Variants in POLR3A observed in about 807,000 individuals in gnomAD.
POLR3A encodes the protein RNA polymerase III subunit A.
In POLR3A, 112 loss-of-function variants were observed where a neutral mutation model predicts 152.8. That is an observed-to-expected ratio of 0.73 (90% CI 0.63 to 0.86). POLR3A has a LOEUF of 0.86. Ranked by LOEUF, POLR3A falls within the 40% of genes least tolerant of loss-of-function variation. The pLI, the probability that POLR3A is intolerant of heterozygous loss-of-function variation, is 0.00. For synonymous variants in POLR3A, 615 were observed against 652.1 expected (o/e 0.94, Z 0.87); for missense variants, 1,385 against 1,743.1 (o/e 0.79, Z 3.66).
At chr10:77,994,105 T>C (rs1023210668) in intron 19 of POLR3A, among the ~76,000 whole-genome samples, 12 of 152,192 alleles carry the variant, frequency 7.9e-5, no homozygotes, top group Middle Eastern at 3.2e-3. Context: ...ACAAGAGTGG[T>C]AAAAGTATTT....
intron 26 of POLR3A, 76 bp downstream of exon 26, chr10:77,983,844 T>C (rs1342286793): frequency 1.1e-6 from 1 of 893,754 alleles, no homozygotes; most frequent in African/African-American, 1.6e-5. Flanking sequence ...CTTGCTTAGC[T>C]CTTGCCCTAG....
chr10:77,993,068 C>A, intron 20 of POLR3A, 129 bp downstream of exon 20: 1 of 809,244 alleles, frequency 1.2e-6, no homozygotes, highest in South Asian at 1.4e-5. Context: ...AAAAAAGATA[C>A]TAATCCAGTG....
At chr10:78,006,609 T>C (rs1847414727) in intron 15 of POLR3A, among the ~76,000 whole-genome samples, 1 of 151,880 alleles carries the variant, frequency 6.6e-6, no homozygotes, top group Middle Eastern at 3.2e-3. Flanking sequence ...TGTAATTAAC[T>C]GAAGTTCCAA....
chr10:77,990,441 G>T (rs1489113682), intron 21 of POLR3A, among the ~76,000 whole-genome samples: 1 of 152,172 alleles, frequency 6.6e-6, no homozygotes. Flanking sequence ...GTAGGCTGGT[G>T]TTAGGGACAG....
intron 6 of POLR3A, 32 bp downstream of exon 6, chr10:78,022,113 A>T (rs1434941859): frequency 1.2e-6 from 2 of 1,614,162 alleles, no homozygotes; most frequent in Admixed American, 3.3e-5. Context: ...TAGATATACT[A>T]TGAAACTTAC....
rs772755662 is a variant in POLR3A, at chr10:78,022,365, A to T, written c.665T>A (p.Val222Glu). Residue 222 changes from valine to glutamate, a missense_variant, in exon 6 of 31, where the codon GTA becomes GAA. Val to Glu is a moderately radical substitution (Grantham distance 121). Coordinates refer to ENST00000372371, the MANE Select transcript of POLR3A (RefSeq NM_007055.4). ...GRAQENLNPL[V>E]VLNLFKRIPA... Reference sequence around the variant, plus strand: ...GATTCGTTTAAATAAATTCAGAACTACTAAGGGATTCAAGTTTTCCTATGG... The same window carrying T: ...GATTCGTTTAAATAAATTCAGAACTTCTAAGGGATTCAAGTTTTCCTATGG... 2.5e-6 allele frequency: 4 copies of T among 1,613,876 alleles called. No homozygotes were observed. The highest frequency in any genetic ancestry group is 3.4e-6 in the Non-Finnish European group (4 of 1,179,908).
rs150105323 is a variant in POLR3A at position 78,009,915 on chromosome 10, A to C, written c.1719T>G (p.Val573=). The change falls in exon 13 of 31, where the codon GTT becomes GTG. Residue 573 remains valine (V), a synonymous_variant. Coordinates refer to ENST00000372371, the MANE Select transcript of POLR3A (RefSeq NM_007055.4). ...KACQIIASIL[V]GKDEKIKVRL... The stretch of plus-strand genomic sequence containing the variant: ...GAACTTTAATTTTCTCATCCTTGCC[A>C]ACCAGTATTGAAGCAATGATTTGGC... 2.5e-5 allele frequency: 40 copies of C among 1,614,072 alleles called. No homozygotes were observed. The highest frequency in any genetic ancestry group is 3.0e-5 in the Non-Finnish European group (35 of 1,180,050).
rs1564612932 is a variant in POLR3A, at chr10:77,981,505, GGATTTCATTGAT to G, written c.3802_3813del (p.Ile1268_Ile1271del). ...ATGCCGTGGTTCACCATGGTGTACT[GGATTTCATTGAT>G]GATCGTTGTCCGGGCGGCCTCGATG... On this transcript the variant is annotated inframe_deletion, in exon 29 of 31. Coordinates refer to ENST00000372371, the MANE Select transcript of POLR3A (RefSeq NM_007055.4). The G allele has an allele frequency of 1.2e-6, 2 of 1,613,894 alleles. No homozygotes were observed. The highest frequency in any genetic ancestry group is 2.2e-5 in the South Asian group (2 of 91,090).
rs1337528878 is a variant in POLR3A at position 77,982,244 on chromosome 10, G to T, written c.3669C>A (p.Tyr1223Ter). The T allele has an allele frequency of 1.6e-5, 26 of 1,613,820 alleles. No homozygotes were observed. Among genetic ancestry groups the T allele is most frequent in the Non-Finnish European group, 2.2e-5 (26 of 1,179,866 alleles). ...GGTTATCACCTTCCACCAGAAGCTT[G>T]TACTTCTCCTTTCCACTCTGCTCGT... ...HIDEQSGKEKYKLLVEGDNLR... is the reference protein window; with the variant it reads ...HIDEQSGKEK The change falls in exon 28 of 31, where the codon TAC (tyrosine) becomes TAA (stop). Residue 1223 changes from tyrosine to a stop codon, truncating the protein, a stop_gained. Transcript: ENST00000372371. LOFTEE classifies it high-confidence loss of function.
intron 19 of POLR3A, 99 bp from the exon 20 acceptor site, chr10:77,993,466 C>T (rs1404467990): frequency 6.9e-6 from 6 of 864,010 alleles, no homozygotes; most frequent in Non-Finnish European, 1.2e-5. Context: ...GTTACAAGCA[C>T]TTTAATCACA....
rs1847539808 is a variant in POLR3A, at chr10:78,017,848, T to C, written c.1290-132A>G. 3.8e-6 allele frequency: 4 copies of C among 1,056,180 alleles called. No individual in the cohort carries two copies. The South Asian group carries it at 4.0e-5, about 11-fold the overall frequency. 65.4% of individuals were successfully genotyped at this position (1,056,180 alleles called of 1,614,324 possible). A position where few individuals can be genotyped will look rare whatever the true frequency, so the allele number is the denominator to read the frequency against. ...AAGATGCCTCCATTTTAATGTCATATAGTTTTATGTGCCAAGAAAAAAGCT... is the reference window on the plus strand; with the variant it reads ...AAGATGCCTCCATTTTAATGTCATACAGTTTTATGTGCCAAGAAAAAAGCT... On this transcript the variant is annotated intron_variant, in intron 9 of 30. Coordinates refer to ENST00000372371, the MANE Select transcript of POLR3A (RefSeq NM_007055.4).
intron 10 of POLR3A, among the ~76,000 whole-genome samples, chr10:78,015,315 G>A (rs1430433396): frequency 1.3e-5 from 2 of 152,014 alleles, no homozygotes; most frequent in African/African-American, 4.8e-5. Context: ...CTACTTTAGT[G>A]TACATTTGAA....
chr10:78,016,733 T>C (rs968515669), intron 10 of POLR3A, among the ~76,000 whole-genome samples: 3 of 147,264 alleles, frequency 2.0e-5, no homozygotes, highest in East Asian at 2.0e-4. Flanking sequence ...AAAAAAAAGC[T>C]GGCCATCATG....
chr10:78,019,386 T>G (rs554833271), intron 8 of POLR3A, 121 bp from the exon 9 acceptor site: 13 of 753,272 alleles, frequency 1.7e-5, no homozygotes, highest in Non-Finnish European at 2.8e-5. Flanking sequence ...AGAGGCATCC[T>G]GGGCAGCCTG....
At position 78,010,555 on chromosome 10, in the gene POLR3A, A is replaced by G. The variant is rs776279495; in HGVS notation, c.1573-15T>C. ...TTTGCTTTAGTCTGTAGGAAAAGTAAGCGCAGTCAGTTAGCTGTTCTCGGA... is the reference window on the plus strand; with the variant it reads ...TTTGCTTTAGTCTGTAGGAAAAGTAGGCGCAGTCAGTTAGCTGTTCTCGGA... On this transcript the variant is annotated splice_polypyrimidine_tract_variant and intron_variant, in intron 11 of 30. Transcript: ENST00000372371. 4 of 1,605,958 alleles carry G rather than the reference A, an allele frequency of 2.5e-6. No individual in the cohort carries two copies. The highest frequency in any genetic ancestry group is 3.4e-6 in the Non-Finnish European group (4 of 1,172,504).
intron 16 of POLR3A, among the ~76,000 whole-genome samples, chr10:78,002,627 G>A (rs901066876): frequency 5.9e-5 from 9 of 152,070 alleles, no homozygotes; most frequent in Non-Finnish European, 1.3e-4. Flanking sequence ...AAACTCCCGG[G>A]CTCAAGTGAT....
At chr10:78,024,888 G>A (rs1847616706) in intron 4 of POLR3A, 83 bp downstream of exon 4, 18 of 1,550,238 alleles carry the variant, frequency 1.2e-5, no homozygotes, top group East Asian at 4.5e-5. Context: ...GCTGACTCCC[G>A]AACATTATGT....
intron 15 of POLR3A, among the ~76,000 whole-genome samples, chr10:78,007,039 A>G (rs1312940595): frequency 1.3e-5 from 2 of 152,112 alleles, no homozygotes; most frequent in African/African-American, 4.8e-5. Flanking sequence ...CCACTGCACT[A>G]CAGCCTGGGT....
At chr10:77,978,824 C>A (rs191024826) in intron 30 of POLR3A, among the ~76,000 whole-genome samples, 1 of 151,764 alleles carries the variant, frequency 6.6e-6, no homozygotes, top group African/African-American at 2.4e-5. Context: ...CCGTGCCCAG[C>A]TAATTTTTAT....
Sources: allele counts gnomAD v4.1 joint callset (sites outside exome capture counted in the v4.1 genomes callset), GRCh38; gene constraint gnomAD v4.1.1; transcripts MANE v1.5; gene names NCBI Gene and HGNC (gene_info 2026-07-23, HGNC 2026-07-21).